Variants in MYO3B observed in about 807,000 individuals in gnomAD.
MYO3B encodes myosin IIIB.
A neutral mutation model predicts 174.6 loss-of-function variants in MYO3B; 156 were observed. That is an observed-to-expected ratio of 0.89 (90% CI 0.78 to 1.02). The LOEUF (loss-of-function observed/expected upper bound fraction) is 1.02, where lower values mean the gene tolerates loss of function less well. Among genes scored for constraint, MYO3B ranks in the 50% least tolerant of loss-of-function variants. The pLI is 0.00. For synonymous variants in MYO3B, 563 were observed against 569.1 expected, an observed-to-expected ratio of 0.99 and a Z score of 0.15; for missense variants, 1,632 against 1,639.4, an observed-to-expected ratio of 1.00 and a Z score of 0.08.
Position 170,404,285 on chromosome 2 carries a change from G to T in MYO3B, c.2316G>T (p.Val772=), listed in dbSNP as rs774226582. ...ATGAAGGCATTGATGCTGTACCCGT[G>T]GAATATGAGGACAACCGCCCGCTCT... The part of the protein sequence containing the change: ...YQNEGIDAVP[V]EYEDNRPLLD... Residue 772 remains valine, a synonymous_variant, in exon 20 of 35, where the codon GTG becomes GTT. Coordinates refer to ENST00000408978, the MANE Select transcript of MYO3B (RefSeq NM_138995.5). The T allele has an allele frequency of 6.2e-7, 1 of 1,613,044 alleles. No individual in the cohort carries two copies. The highest frequency in any genetic ancestry group is 8.5e-7 in the Non-Finnish European group (1 of 1,179,466).
chr2:170,460,137 C>T (rs1313193459), intron 23 of MYO3B, among the ~76,000 whole-genome samples: 2 of 152,110 alleles, frequency 1.3e-5, no homozygotes, highest in East Asian at 1.9e-4. Context: ...ACAGAGGAGT[C>T]GCCGAGAGTA....
chr2:170,188,034 T>C (rs1264779600), intron 1 of MYO3B, among the ~76,000 whole-genome samples: 1 of 152,222 alleles, frequency 6.6e-6, no homozygotes, highest in African/African-American at 2.4e-5. Context: ...ATTTTCTGTC[T>C]GGATGATCTG....
chr2:170,305,238 G>A (rs146410709), intron 7 of MYO3B, among the ~76,000 whole-genome samples: 38 of 152,136 alleles, frequency 2.5e-4, no homozygotes, highest in Middle Eastern at 3.4e-3. Context: ...CTTTCCTAGT[G>A]ATTTGGAGTA....
intron 7 of MYO3B, among the ~76,000 whole-genome samples, chr2:170,278,001 C>T (rs2093475992): frequency 1.3e-5 from 2 of 152,146 alleles, no homozygotes; most frequent in African/African-American, 4.8e-5. Context: ...GAGACATTTT[C>T]AATGCCTGTT....
chr2:170,410,294 G>C (rs373364486), intron 22 of MYO3B, among the ~76,000 whole-genome samples: 1 of 151,978 alleles, frequency 6.6e-6, no homozygotes, highest in Non-Finnish European at 1.5e-5. Context: ...GGCCAGGCGC[G>C]GTGGCTCACG....
intron 25 of MYO3B, among the ~76,000 whole-genome samples, chr2:170,470,906 C>G: frequency 6.6e-6 from 1 of 151,304 alleles, no homozygotes; most frequent in East Asian, 1.9e-4. Context: ...CCTTTGCCCA[C>G]TTTATATTGT....
intron 32 of MYO3B, among the ~76,000 whole-genome samples, chr2:170,599,193 G>T (rs1240497578): frequency 6.6e-6 from 1 of 152,036 alleles, no homozygotes; most frequent in Non-Finnish European, 1.5e-5. Context: ...CTCTATCTCT[G>T]TACCACCCAG....
intron 32 of MYO3B, among the ~76,000 whole-genome samples, chr2:170,556,590 T>G (rs1691311899): frequency 6.6e-6 from 1 of 152,158 alleles, no homozygotes; most frequent in South Asian, 2.1e-4. Context: ...GGCACGATCT[T>G]GGCTCACTGC....
intron 6 of MYO3B, among the ~76,000 whole-genome samples, chr2:170,222,257 C>T (rs2092909198): frequency 6.6e-6 from 1 of 152,212 alleles, no homozygotes; most frequent in South Asian, 2.1e-4. Flanking sequence ...GGTGAAGGCA[C>T]TCATGGTGCA....
chr2:170,329,955 G>T (rs2093900277), intron 7 of MYO3B, among the ~76,000 whole-genome samples: 1 of 151,972 alleles, frequency 6.6e-6, no homozygotes, highest in African/African-American at 2.4e-5. Flanking sequence ...CAAATGTCTT[G>T]CTTTCTTGCT....
At chr2:170,619,565 TC>T (rs1025095990) in intron 32 of MYO3B, among the ~76,000 whole-genome samples, 21 of 151,966 alleles carry the variant, frequency 1.4e-4, no homozygotes, top group African/African-American at 4.8e-4. Flanking sequence ...GGGATCCACT[TC>T]CAAGCTCACT....
chr2:170,481,941 T>C (rs1044805161), intron 25 of MYO3B, among the ~76,000 whole-genome samples: 1 of 152,170 alleles, frequency 6.6e-6, no homozygotes, highest in African/African-American at 2.4e-5. Flanking sequence ...TTTTCTCTCT[T>C]AATCCTTACA....
Position 170,383,561 on chromosome 2 carries a change from C to T in MYO3B, c.1186-149C>T, listed in dbSNP as rs532088225. On this transcript the variant is annotated intron_variant, in intron 11 of 34. Coordinates refer to ENST00000408978, the MANE Select transcript of MYO3B (RefSeq NM_138995.5). ...TAAGTATAGAAGTGAAATTTGAACT[C>T]AGTCCTGCAGGCTCCAGAACCTATA... 63 of 617,178 alleles carry T rather than the reference C, an allele frequency of 1.0e-4. No individual in the cohort carries two copies. The South Asian group carries it at 1.3e-3, about 13-fold the overall frequency. 38.2% of individuals were successfully genotyped at this position (617,178 alleles called of 1,614,324 possible). A position where few individuals can be genotyped will look rare whatever the true frequency, so the allele number is the denominator to read the frequency against.
At chr2:170,260,058 G>C (rs2093333782) in intron 7 of MYO3B, among the ~76,000 whole-genome samples, 1 of 151,928 alleles carries the variant, frequency 6.6e-6, no homozygotes, top group Admixed American at 6.6e-5. Context: ...TTATTAAAAA[G>C]TCAAAAAATA....
intron 25 of MYO3B, among the ~76,000 whole-genome samples, chr2:170,470,154 G>T (rs962723230): frequency 1.4e-5 from 2 of 147,304 alleles, no homozygotes. Context: ...CAGTTCAAAG[G>T]TTTTTAATTA....
intron 7 of MYO3B, among the ~76,000 whole-genome samples, chr2:170,327,404 C>T (rs1479315912): frequency 1.5e-5 from 2 of 137,688 alleles, no homozygotes; most frequent in Non-Finnish European, 3.3e-5. Context: ...AAAGAAGAAT[C>T]AACAAGCTTG....
intron 7 of MYO3B, among the ~76,000 whole-genome samples, chr2:170,290,805 A>T (rs890155561): frequency 6.7e-6 from 1 of 149,234 alleles, no homozygotes. Flanking sequence ...AGTATGTTTT[A>T]CTCTTTTGCT....
intron 7 of MYO3B, among the ~76,000 whole-genome samples, chr2:170,331,020 C>A (rs373593293): frequency 2.6e-5 from 4 of 152,118 alleles, no homozygotes; most frequent in African/African-American, 9.7e-5. Flanking sequence ...TATAGATACA[C>A]ATGAAACATG....
chr2:170,310,101 C>A (rs562920179), intron 7 of MYO3B, among the ~76,000 whole-genome samples: 39 of 152,148 alleles, frequency 2.6e-4, no homozygotes, highest in Middle Eastern at 3.4e-3. Flanking sequence ...GTACTTATAT[C>A]CTGACTGAGC....
Sources: gnomAD v4.1 joint callset for allele counts (sites outside exome capture counted in the v4.1 genomes callset) on GRCh38, gnomAD v4.1.1 for gene constraint, MANE v1.5 for transcripts, NCBI Gene and HGNC (gene_info 2026-07-23, HGNC 2026-07-21) for gene names.